PRUNE2: variants seen among roughly 807,000 people sequenced by gnomAD.
PRUNE2 encodes protein prune homolog 2.
Under a neutral mutation model 252.0 loss-of-function variants are expected in PRUNE2, and 164 were observed. That is an observed-to-expected ratio of 0.65 (90% confidence interval 0.57 to 0.74). The LOEUF (loss-of-function observed/expected upper bound fraction) is 0.74, where lower values mean the gene tolerates loss of function less well. Among genes scored for constraint, PRUNE2 ranks in the 30% least tolerant of loss-of-function variants. The pLI is 0.00. For missense variants in PRUNE2, 3,495 were observed against 3,711.0 expected (o/e 0.94, Z 1.51); for synonymous variants, 1,292 against 1,350.2 (o/e 0.96, Z 0.94).
At chr9:76,687,108 C>T (rs2044179130) in intron 9 of PRUNE2, among the ~76,000 whole-genome samples, 1 of 152,148 alleles carries the variant, frequency 6.6e-6, no homozygotes, top group East Asian at 1.9e-4. Context: ...ATGGCCAGCC[C>T]GGGAATGAGG....
At chr9:76,893,930 T>G (rs2062649593) in intron 1 of PRUNE2, among the ~76,000 whole-genome samples, 1 of 152,196 alleles carries the variant, frequency 6.6e-6, no homozygotes. Flanking sequence ...ATTGCTTTGC[T>G]TCATGGATGG....
chr9:76,664,364 A>G (rs1402160460), intron 9 of PRUNE2, among the ~76,000 whole-genome samples: 1 of 152,214 alleles, frequency 6.6e-6, no homozygotes, highest in African/African-American at 2.4e-5. Context: ...GCCATCTTGG[A>G]GGCAGATCCT....
chr9:76,764,807 C>T (rs2052156146), intron 6 of PRUNE2, among the ~76,000 whole-genome samples: 1 of 152,116 alleles, frequency 6.6e-6, no homozygotes, highest in South Asian at 2.1e-4. Flanking sequence ...ATTTGCTTGG[C>T]TTCCATGATC....
intron 1 of PRUNE2, among the ~76,000 whole-genome samples, chr9:76,856,900 C>T (rs142365835): frequency 0.055 from 8,379 of 152,060 alleles, 320 homozygotes; most frequent in East Asian, 0.19. Flanking sequence ...ATTACAGGTG[C>T]CCGCTACCAC....
intron 8 of PRUNE2, 115 bp from the exon 9 acceptor site, chr9:76,704,214 AT>A (rs59728338): frequency 0.73 from 349,390 of 478,488 alleles, 130,238 homozygotes; most frequent in East Asian, 0.96. Context: ...TTTTTTATAT[AT>A]TTTATTTATT....
intron 6 of PRUNE2, among the ~76,000 whole-genome samples, chr9:76,726,427 ACAC>A (rs972630026): frequency 6.6e-6 from 1 of 152,206 alleles, no homozygotes; most frequent in Non-Finnish European, 1.5e-5. Context: ...ACACACATGC[ACAC>A]TCATCAGATA....
intron 6 of PRUNE2, among the ~76,000 whole-genome samples, chr9:76,808,193 A>G (rs1036998238): frequency 6.6e-6 from 1 of 152,170 alleles, no homozygotes; most frequent in African/African-American, 2.4e-5. Flanking sequence ...AAAAACAAAA[A>G]CAAAAACACC....
At chr9:76,815,935 T>C (rs970966395) in intron 6 of PRUNE2, among the ~76,000 whole-genome samples, 1 of 151,628 alleles carries the variant, frequency 6.6e-6, no homozygotes. Context: ...TTGAGGCGGG[T>C]GGATCACCTG....
intron 6 of PRUNE2, chr9:76,809,015 C>T (rs1468417169): frequency 6.6e-6 from 1 of 152,236 alleles, no homozygotes; most frequent in African/African-American, 2.4e-5. Context: ...AGTTCATATT[C>T]TTCTCTGTGC....
At chr9:76,875,929 G>T (rs768395898) in intron 1 of PRUNE2, among the ~76,000 whole-genome samples, 1 of 152,176 alleles carries the variant, frequency 6.6e-6, no homozygotes, top group Admixed American at 6.5e-5. Context: ...ACATAGCCCT[G>T]GTCCCATTCT....
At chr9:76,905,738 G>A (rs2063455436) in intron 1 of PRUNE2, among the ~76,000 whole-genome samples, 190 bp downstream of exon 1, 1 of 152,132 alleles carries the variant, frequency 6.6e-6, no homozygotes, top group Non-Finnish European at 1.5e-5. Flanking sequence ...TTGCGGTGGA[G>A]GATTCTGGAG....
chr9:76,841,422 T>C (rs1431627028), intron 4 of PRUNE2, among the ~76,000 whole-genome samples: 1 of 151,790 alleles, frequency 6.6e-6, no homozygotes, highest in Non-Finnish European at 1.5e-5. Context: ...GCTGAAGGAG[T>C]TTTGTTTTCA....
chr9:76,847,442 T>C (rs576136749), intron 3 of PRUNE2, among the ~76,000 whole-genome samples: 7 of 152,076 alleles, frequency 4.6e-5, no homozygotes, highest in Admixed American at 2.6e-4. Flanking sequence ...AATTTATACA[T>C]TGTATAATAC....
chr9:76,767,941 G>A (rs2052601147), intron 6 of PRUNE2, among the ~76,000 whole-genome samples: 1 of 152,170 alleles, frequency 6.6e-6, no homozygotes, highest in Non-Finnish European at 1.5e-5. Context: ...GCAAGGACTG[G>A]AAGTATTAAT....
intron 6 of PRUNE2, among the ~76,000 whole-genome samples, chr9:76,715,852 G>GC (rs2047103294): frequency 6.6e-6 from 1 of 151,900 alleles, no homozygotes. Context: ...TAAACTTGTA[G>GC]CAACTATGAA....
intron 5 of PRUNE2, among the ~76,000 whole-genome samples, chr9:76,823,930 T>C (rs1268201156): frequency 2.0e-5 from 3 of 151,784 alleles, no homozygotes; most frequent in African/African-American, 7.3e-5. Flanking sequence ...ATAGGAAAAA[T>C]GCACCTCTTT....
intron 14 of PRUNE2, among the ~76,000 whole-genome samples, chr9:76,637,197 C>T (rs1840551500): frequency 6.6e-6 from 1 of 152,082 alleles, no homozygotes; most frequent in East Asian, 1.9e-4. Flanking sequence ...CTATAACCAA[C>T]ATGGTGTATT....
rs749713285 is a variant in PRUNE2, at chr9:76,709,991, C to A, written c.2283G>T (p.Leu761=). 3 of 1,613,708 alleles carry A rather than the reference C, an allele frequency of 1.9e-6. No individual in the cohort carries two copies. Among genetic ancestry groups the A allele is most frequent in the Non-Finnish European group, 2.5e-6 (3 of 1,179,790 alleles). Residue 761 remains leucine, a synonymous_variant, in exon 8 of 19, where the codon CTG becomes CTT. Coordinates refer to ENST00000376718, the MANE Select transcript of PRUNE2 (RefSeq NM_015225.3). The stretch of plus-strand genomic sequence containing the variant: ...GCCACAAAGAAGCAAAGTCTTCTAT[C>A]AGGTGGTTTGTTCCTTGGGGAGATG... ...PNTSPQGTNH[L]IEDFASLWHS...
At chr9:76,875,310 A>G (rs1408717219) in intron 1 of PRUNE2, among the ~76,000 whole-genome samples, 1 of 152,124 alleles carries the variant, frequency 6.6e-6, no homozygotes, top group Admixed American at 6.6e-5. Flanking sequence ...AGATGTTATC[A>G]TATCTATTTG....
Sources: allele counts gnomAD v4.1 joint callset (sites outside exome capture counted in the v4.1 genomes callset), GRCh38; gene constraint gnomAD v4.1.1; transcripts MANE v1.5; gene names NCBI Gene and HGNC (gene_info 2026-07-23, HGNC 2026-07-21).